Variants in CCL25 observed in about 807,000 individuals in gnomAD.
CCL25 encodes C-C motif chemokine ligand 25.
CCL25 carries 14 observed loss-of-function variants against 19.9 expected under a neutral mutation model. The observed-to-expected ratio is 0.70, with a 90% CI of 0.47 to 1.10. CCL25 has a LOEUF of 1.10. Ranked by LOEUF, CCL25 falls within the 50% of genes least tolerant of loss-of-function variation. The pLI, the probability that CCL25 is intolerant of heterozygous loss-of-function variation, is 0.00. For synonymous variants in CCL25, 68 were observed against 73.2 expected (o/e 0.93, Z 0.36); for missense variants, 151 against 181.2 (o/e 0.83, Z 0.96).
rs535360063 is a variant in CCL25, at chr19:8,056,962, C to T, written c.325+463C>T. 5.9e-5 allele frequency among the ~76,000 whole-genome samples: 9 copies of T among 152,270 alleles called. No homozygotes were observed. The South Asian group carries it at 1.9e-3, about 32-fold the overall frequency. ...GGCTCAAGCAATCCTCCTACCTCAGCCTCCTGAGTAGCTGGGACTACAGGC... is the reference window on the plus strand; with the variant it reads ...GGCTCAAGCAATCCTCCTACCTCAGTCTCCTGAGTAGCTGGGACTACAGGC... On this transcript the variant is annotated intron_variant, in intron 4 of 5. Transcript: ENST00000315626.
In CCL25 at chr19:8,062,435, T is replaced by C. The variant is rs781070226; in HGVS notation, c.*210T>C. 6.9e-6 allele frequency: 4 copies of C among 577,554 alleles called. No individual in the cohort carries two copies. The highest frequency in any genetic ancestry group is 9.3e-6 in the Non-Finnish European group (3 of 323,222). 35.8% of individuals were successfully genotyped at this position (577,554 alleles called of 1,614,324 possible). On this transcript the variant is annotated 3_prime_UTR_variant, in exon 6 of 6. Transcript: ENST00000315626. The stretch of plus-strand genomic sequence containing the variant: ...GGAGTTGGCCTGATTTTAAGCCTTT[T>C]GCCGCTCCGGGGACCAGCAGCAATC...
chr19:8,057,053 C>T (rs1014051053), intron 4 of CCL25, among the ~76,000 whole-genome samples: 1 of 152,114 alleles, frequency 6.6e-6, no homozygotes, highest in East Asian at 1.9e-4. Flanking sequence ...TGGAGTCTTG[C>T]TGTGTCATCC....
rs536518599 is a variant in CCL25 at position 8,061,100 on chromosome 19, T to G, written c.446-1118T>G. Among the ~76,000 whole-genome samples, 3 of 150,826 alleles carry G rather than the reference T, an allele frequency of 2.0e-5. No homozygotes were observed. The Admixed American group carries it at 2.0e-4, about 10-fold the overall frequency. On this transcript the variant is annotated intron_variant, in intron 5 of 5. Transcript: ENST00000315626. ...CCAGGGTGGGTTCAGGTGATTCTCCTATCTCAGCCTCCTGAGTAGCTGGGA... is the reference window on the plus strand; with the variant it reads ...CCAGGGTGGGTTCAGGTGATTCTCCGATCTCAGCCTCCTGAGTAGCTGGGA...
At chr19:8,059,118 TAA>T (rs34298193) in intron 5 of CCL25, among the ~76,000 whole-genome samples, 2 of 99,688 alleles carry the variant, frequency 2.0e-5, no homozygotes, top group East Asian at 2.2e-4. Context: ...ATATAATATA[TAA>T]ATATATATAA....
chr19:8,053,367 G>A (rs1309315917), intron 2 of CCL25, among the ~76,000 whole-genome samples: 1 of 151,922 alleles, frequency 6.6e-6, no homozygotes, highest in African/African-American at 2.4e-5. Context: ...AAGATGTGAG[G>A]GAGCAGAGGG....
intron 2 of CCL25, among the ~76,000 whole-genome samples, chr19:8,055,928 CCGGGACCCAAGG>C (rs1352714326): frequency 6.6e-6 from 1 of 152,176 alleles, no homozygotes; most frequent in Non-Finnish European, 1.5e-5. Flanking sequence ...CCCTTCCCAG[CCGGGACCCAAGG>C]GTCCTCTCCA....
chr19:8,058,254 C>A lies in CCL25; in HGVS notation c.445+334C>A, dbSNP rs866915256. On this transcript the variant is annotated intron_variant, in intron 5 of 5. Transcript: ENST00000315626. ...TGACATTGTGTGTGTGTGTCTCTCT[C>A]TATATATACATATAAAATATATATA... Among the ~76,000 whole-genome samples the A allele has an allele frequency of 1.2e-3, 160 of 138,788 alleles. 1 individual carries two copies. The highest frequency in any genetic ancestry group is 3.3e-3 in the African/African-American group (126 of 38,282). The allele number at this position is 138,788 out of a possible 152,430, so 91.1% of individuals were successfully genotyped here.
At chr19:8,054,424 C>T (rs558638529) in intron 2 of CCL25, among the ~76,000 whole-genome samples, 3 of 152,346 alleles carry the variant, frequency 2.0e-5, no homozygotes, top group South Asian at 2.1e-4. Flanking sequence ...TCAGAGGCCG[C>T]GGTTGGGAGA....
intron 5 of CCL25, among the ~76,000 whole-genome samples, chr19:8,059,171 TATATAATATATAA>T (rs1334970018): frequency 2.7e-5 from 3 of 112,748 alleles, no homozygotes; most frequent in East Asian, 4.8e-4. Flanking sequence ...ATATATAATA[TATATAATATATAA>T]ATATATATAT....
intron 5 of CCL25, 141 bp downstream of exon 5, chr19:8,058,061 A>G: frequency 2.9e-6 from 4 of 1,394,242 alleles, no homozygotes; most frequent in Non-Finnish European, 3.8e-6. Context: ...CCGCAGATTC[A>G]CAGGGGAGGG....
At chr19:8,058,068 AG>A in intron 5 of CCL25, 148 bp downstream of exon 5, 1 of 1,372,242 alleles carries the variant, frequency 7.3e-7, no homozygotes, top group Non-Finnish European at 9.6e-7. Context: ...TTCACAGGGG[AG>A]GGTCCTCGGT....
chr19:8,053,577 C>A (rs2145278574), intron 2 of CCL25, among the ~76,000 whole-genome samples: 1 of 137,990 alleles, frequency 7.2e-6, no homozygotes, highest in African/African-American at 2.8e-5. Flanking sequence ...GAGACAGAGT[C>A]TCACTCTGTC....
chr19:8,057,169 G>A (rs1036243565), intron 4 of CCL25, among the ~76,000 whole-genome samples: 22 of 151,504 alleles, frequency 1.5e-4, no homozygotes, highest in Non-Finnish European at 2.4e-4. Flanking sequence ...ACAGGCCCAC[G>A]CCACCACGCC....
At position 8,058,848 on chromosome 19, in the gene CCL25, C is replaced by T. The variant is rs543437617; in HGVS notation, c.445+928C>T. The stretch of plus-strand genomic sequence containing the variant: ...TAATTTTTTGTATTTTTAGTAGAGA[C>T]GGGGTTTCACCATGTTAGCCAGGAT... On this transcript the variant is annotated intron_variant, in intron 5 of 5. Coordinates refer to ENST00000315626, the MANE Select transcript of CCL25 (RefSeq NM_005624.4). 3.1e-3 allele frequency among the ~76,000 whole-genome samples: 434 copies of T among 139,708 alleles called. 7 individuals are homozygous for T. In the East Asian group the frequency reaches 0.05, roughly 16 times the overall value. 91.7% of individuals were successfully genotyped at this position (139,708 alleles called of 152,430 possible). A position where few individuals can be genotyped will look rare whatever the true frequency, so the allele number is the denominator to read the frequency against.
rs780405932 is a variant in CCL25, at chr19:8,053,016, TCC to T, written c.-33_-32del. 10 of 1,514,048 alleles carry T rather than the reference TCC, an allele frequency of 6.6e-6. No homozygotes were observed. In the South Asian group the frequency reaches 1.1e-4, roughly 17 times the overall value. The allele number at this position is 1,514,048 out of a possible 1,614,324, so 93.8% of individuals were successfully genotyped here. On this transcript the variant is annotated 5_prime_UTR_variant, in exon 2 of 6. Transcript: ENST00000315626. The stretch of plus-strand genomic sequence containing the variant: ...CGACCCCAGGTGGCCCCGTTATTCG[TCC>T]AGGTGCCCAGGGAGGAGGACCCGCC...
At chr19:8,056,300 G>A (rs2081271732) in intron 3 of CCL25, 31 bp downstream of exon 3, 2 of 555,822 alleles carry the variant, frequency 3.6e-6, no homozygotes, top group South Asian at 1.4e-5. Flanking sequence ...TGGGGGGGTG[G>A]GGTGCACACA....
chr19:8,062,289 G>A lies in CCL25; in HGVS notation c.*64G>A, dbSNP rs1000481240. ...CGGATCTTTCTCCGATAAAACCGTC[G>A]CCCTACAGACCCAGCTGTCCCCACG... On this transcript the variant is annotated 3_prime_UTR_variant, in exon 6 of 6. Coordinates refer to ENST00000315626, the MANE Select transcript of CCL25 (RefSeq NM_005624.4). 23 of 1,587,886 alleles carry A rather than the reference G, an allele frequency of 1.4e-5. No individual in the cohort carries two copies. The highest frequency in any genetic ancestry group is 1.2e-4 in the Admixed American group (7 of 59,902).
rs778243829 is a variant in CCL25 at position 8,056,416 on chromosome 19, G to A, written c.242G>A (p.Arg81Lys). The A allele has an allele frequency of 6.2e-7, 1 of 1,614,056 alleles. No individual in the cohort carries two copies. Among genetic ancestry groups the A allele is most frequent in the Admixed American group, 1.7e-5 (1 of 60,002 alleles). ...HRKVCGNPKS[R>K]EVQRAMKLLD... Reference sequence around the variant, plus strand: ...AAGGTGTGTGGGAACCCCAAAAGCAGGGAGGTGCAGAGAGCCATGAAGCTC... The same window carrying A: ...AAGGTGTGTGGGAACCCCAAAAGCAAGGAGGTGCAGAGAGCCATGAAGCTC... The change falls in exon 4 of 6, where the codon AGG (arginine) becomes AAG (lysine). Residue 81 changes from arginine (R) to lysine (K), a missense_variant. Coordinates refer to ENST00000315626, the MANE Select transcript of CCL25 (RefSeq NM_005624.4).
At chr19:8,058,807 C>T (rs1195920921) in intron 5 of CCL25, among the ~76,000 whole-genome samples, 30 of 139,858 alleles carry the variant, frequency 2.1e-4, no homozygotes, top group Admixed American at 4.2e-4. Context: ...TACAGGCGCC[C>T]GCCACCACGC....
Sources: allele counts gnomAD v4.1 joint callset (sites outside exome capture counted in the v4.1 genomes callset), GRCh38; gene constraint gnomAD v4.1.1; transcripts MANE v1.5; gene names NCBI Gene and HGNC (gene_info 2026-07-23, HGNC 2026-07-21).